IL17F: variants seen among roughly 807,000 people sequenced by gnomAD.
IL17F encodes interleukin-17F.
IL17F carries 6 observed loss-of-function variants against 8.3 expected under a neutral mutation model. The ratio of observed to expected loss-of-function variants is 0.73; its 90% CI spans 0.40 to 1.43. The LOEUF (loss-of-function observed/expected upper bound fraction) is 1.43, where lower values mean the gene tolerates loss of function less well. Among genes scored for constraint, IL17F ranks in the 40% most tolerant of loss-of-function variants. IL17F has a pLI of 0.02. For synonymous variants in IL17F, 98 were observed against 81.6 expected (o/e 1.20, Z -1.08); for missense variants, 204 against 209.6 (o/e 0.97, Z 0.17).
intron 1 of IL17F, among the ~76,000 whole-genome samples, chr6:52,242,344 G>A (rs1297557558): frequency 1.3e-5 from 2 of 152,174 alleles, no homozygotes; most frequent in African/African-American, 4.8e-5. Context: ...CACCAGCAAT[G>A]TGTGGACACA....
chr6:52,244,157 A>G (rs1323389711), intron 1 of IL17F, among the ~76,000 whole-genome samples: 15 of 152,094 alleles, frequency 9.9e-5, no homozygotes. Flanking sequence ...GGCCTCCTAA[A>G]GTGCTGGGAT....
intron 1 of IL17F, 79 bp downstream of exon 1, chr6:52,244,318 A>G (rs1179818386): frequency 7.2e-7 from 1 of 1,384,036 alleles, no homozygotes; most frequent in Non-Finnish European, 1.0e-6. Context: ...GACCCCAATC[A>G]AACCTAATTC....
intron 2 of IL17F, among the ~76,000 whole-genome samples, 197 bp downstream of exon 2, chr6:52,238,533 T>C (rs760808513): frequency 6.6e-6 from 1 of 152,200 alleles, no homozygotes; most frequent in Non-Finnish European, 1.5e-5. Flanking sequence ...GGAAGCAAAA[T>C]ATTAGGACCA....
intron 1 of IL17F, among the ~76,000 whole-genome samples, chr6:52,241,064 G>GTGTT (rs1764066128): frequency 9.1e-6 from 1 of 109,450 alleles, no homozygotes; most frequent in South Asian, 3.6e-4. Context: ...AACTGCTATG[G>GTGTT]CGTTTGTTTG....
intron 1 of IL17F, among the ~76,000 whole-genome samples, chr6:52,241,391 T>G (rs1205156267): frequency 6.6e-6 from 1 of 152,116 alleles, no homozygotes; most frequent in East Asian, 1.9e-4. Flanking sequence ...TATGACTTTT[T>G]TTTTAAAAGA....
At chr6:52,237,865 G>A (rs549380458) in intron 2 of IL17F, among the ~76,000 whole-genome samples, 1 of 152,212 alleles carries the variant, frequency 6.6e-6, no homozygotes, top group South Asian at 2.1e-4. Context: ...ATCTCAGAGA[G>A]TATCTGAGAA....
chr6:52,244,456 G>A lies in IL17F; in HGVS notation c.-27C>T, dbSNP rs563750843. On this transcript the variant is annotated 5_prime_UTR_variant, in exon 1 of 3. Transcript: ENST00000336123. ...TTGCGCTGGTGGCTTACTTTGTGCA[G>A]GAAGCTCTTTCTGTGAATGTATCTT... 1.7e-4 allele frequency: 270 copies of A among 1,613,138 alleles called. 1 individual carries two copies. In the South Asian group the frequency reaches 2.8e-3, roughly 17 times the overall value.
chr6:52,244,180 C>T (rs146846291), intron 1 of IL17F, among the ~76,000 whole-genome samples: 2 of 152,208 alleles, frequency 1.3e-5, no homozygotes, highest in African/African-American at 4.8e-5. Flanking sequence ...CAGGCATGAG[C>T]CACCACGCCT....
At chr6:52,239,184 C>T (rs1242175492) in intron 1 of IL17F, 3 of 531,472 alleles carry the variant, frequency 5.6e-6, no homozygotes. Context: ...AGTCTAAAAG[C>T]TCCCAAACAG....
At chr6:52,238,675 A>G (rs1381749767) in intron 2 of IL17F, 55 bp downstream of exon 2, 1 of 1,389,020 alleles carries the variant, frequency 7.2e-7, no homozygotes, top group African/African-American at 1.4e-5. Flanking sequence ...TTATGATTAG[A>G]ATGAATTAAC....
chr6:52,238,292 C>T (rs1764005925), intron 2 of IL17F, among the ~76,000 whole-genome samples: 1 of 152,238 alleles, frequency 6.6e-6, no homozygotes. Context: ...CTCCACCTAA[C>T]ATCCCATTTC....
chr6:52,236,979 C>A lies in IL17F; in HGVS notation c.444G>T (p.Val148=). ...SVSFQLEKVL[V]TVGCTCVTPV... ...GGGTGACGCAGGTGCAGCCAACAGT[C>A]ACCAGCACCTTCTCCAACTGGAAAG... Residue 148 remains valine, a synonymous_variant, in exon 3 of 3, where the codon GTG becomes GTT. Transcript: ENST00000336123. 1 of 1,614,184 alleles carries A rather than the reference C, an allele frequency of 6.2e-7. No homozygotes were observed. The highest frequency in any genetic ancestry group is 1.1e-5 in the South Asian group (1 of 91,070).
upstream of IL17F, among the ~76,000 whole-genome samples, chr6:52,245,455 AT>A (rs1162604636): frequency 5.9e-5 from 9 of 152,190 alleles, no homozygotes; most frequent in Non-Finnish European, 1.3e-4. Flanking sequence ...GGGAACACTA[AT>A]TTATATTTAC....
chr6:52,236,765 A>G lies in IL17F; in HGVS notation c.*166T>C, dbSNP rs768225000. The G allele has an allele frequency of 5.1e-5, 35 of 690,080 alleles. No homozygotes were observed. Among genetic ancestry groups the G allele is most frequent in the Middle Eastern group, 3.9e-4 (1 of 2,548 alleles). The allele number at this position is 690,080 out of a possible 1,614,324, so 42.7% of individuals were successfully genotyped here. ...ATTTTAGATATCAAATATAAAGTGTAGTACATACACACATACATTGTGAAT... is the reference window on the plus strand; with the variant it reads ...ATTTTAGATATCAAATATAAAGTGTGGTACATACACACATACATTGTGAAT... On this transcript the variant is annotated 3_prime_UTR_variant, in exon 3 of 3. Transcript: ENST00000336123.
intron 1 of IL17F, among the ~76,000 whole-genome samples, chr6:52,239,760 C>A (rs1458059616): frequency 2.6e-5 from 4 of 152,096 alleles, no homozygotes; most frequent in Non-Finnish European, 5.9e-5. Context: ...AATGAATGAA[C>A]AAAATGATAC....
chr6:52,237,692 C>A (rs1198102300), intron 2 of IL17F, among the ~76,000 whole-genome samples: 1 of 152,080 alleles, frequency 6.6e-6, no homozygotes, highest in South Asian at 2.1e-4. Context: ...AAGACCACAA[C>A]ATTTATCCTG....
intron 1 of IL17F, among the ~76,000 whole-genome samples, chr6:52,241,335 C>T (rs1764071062): frequency 6.6e-6 from 1 of 152,110 alleles, no homozygotes; most frequent in African/African-American, 2.4e-5. Context: ...ACCTCGGCCT[C>T]CCAAAATGCT....
intron 1 of IL17F, among the ~76,000 whole-genome samples, chr6:52,241,478 C>T (rs183845750): frequency 2.0e-5 from 3 of 151,674 alleles, no homozygotes; most frequent in East Asian, 3.9e-4. Context: ...AAGTAAATTC[C>T]TCCTTTGTGT....
At chr6:52,240,392 G>A in intron 1 of IL17F, among the ~76,000 whole-genome samples, 1 of 142,872 alleles carries the variant, frequency 7.0e-6, no homozygotes, top group Non-Finnish European at 1.5e-5. Flanking sequence ...AGCCGAAATT[G>A]CACCACTGCA....
Sources: allele counts gnomAD v4.1 joint callset (sites outside exome capture counted in the v4.1 genomes callset), GRCh38; gene constraint gnomAD v4.1.1; transcripts MANE v1.5; gene names NCBI Gene and HGNC (gene_info 2026-07-23, HGNC 2026-07-21).